ZNF518A: variants seen among roughly 807,000 people sequenced by gnomAD.
The protein encoded by ZNF518A is zinc finger protein 518.
A neutral mutation model predicts 102.7 loss-of-function variants in ZNF518A; 47 were observed. The observed-to-expected ratio is 0.46, with a 90% CI of 0.36 to 0.58. ZNF518A has a LOEUF of 0.58. Ranked by LOEUF, ZNF518A falls within the 20% of genes least tolerant of loss-of-function variation. The probability of loss-of-function intolerance (pLI) is 0.00; values close to 1 mark genes in which losing one functional copy is unlikely to be tolerated. For missense variants in ZNF518A, 1,793 were observed against 1,699.8 expected (o/e 1.05, Z -0.96); for synonymous variants, 652 against 594.6 (o/e 1.10, Z -1.40).
intron 1 of ZNF518A, chr10:96,201,134 G>T: frequency 7.6e-7 from 1 of 1,307,498 alleles, no homozygotes; most frequent in South Asian, 1.2e-5. Context: ...CCCTAACACT[G>T]TACTAGGTGC....
At position 96,160,443 on chromosome 10, in the gene ZNF518A, T is replaced by G; in HGVS notation, c.4121T>G (p.Val1374Gly). The G allele has an allele frequency of 6.2e-7, 1 of 1,613,494 alleles. No individual in the cohort carries two copies. Among genetic ancestry groups the G allele is most frequent in the East Asian group, 2.2e-5 (1 of 44,872 alleles). The part of the protein sequence containing the change: ...MKTIAKFNGH[V>G]LKVSLSKRTI... Reference sequence around the variant, plus strand: ...ACTATTGCTAAATTTAATGGACATGTACTTAAGGTTTCATTGTCAAAAAGA... The same window carrying G: ...ACTATTGCTAAATTTAATGGACATGGACTTAAGGTTTCATTGTCAAAAAGA... Residue 1374 changes from valine to glycine, a missense_variant, in exon 6 of 6, where the codon GTA (valine) becomes GGA (glycine). Physicochemically the swap from Val to Gly is moderately radical, Grantham distance 109. Around this residue, in one of 3 missense-constraint regions of ZNF518A, gnomAD observed 1,741 missense variants for 1,622.6 expected, o/e 1.07. Coordinates refer to ENST00000316045, the MANE Select transcript of ZNF518A (RefSeq NM_001330736.2).
intron 1 of ZNF518A, chr10:96,189,736 T>A (rs2083299839): frequency 8.2e-6 from 6 of 729,926 alleles, no homozygotes; most frequent in South Asian, 2.8e-5. Context: ...ATCATCATCT[T>A]CATCAGCAGC....
intron 1 of ZNF518A, among the ~76,000 whole-genome samples, chr10:96,192,488 T>C (rs782060925): frequency 1.3e-5 from 2 of 152,206 alleles, no homozygotes; most frequent in Non-Finnish European, 2.9e-5. Context: ...ATTGATGTAA[T>C]AAATTAACCT....
At chr10:96,131,319 C>T (rs898658119) in intron 1 of ZNF518A, among the ~76,000 whole-genome samples, 2 of 152,102 alleles carry the variant, frequency 1.3e-5, no homozygotes, top group Admixed American at 6.5e-5. Context: ...AGGTTGATAT[C>T]CTCAGGTTTA....
At chr10:96,182,999 A>G (rs2083249088) in intron 1 of ZNF518A, among the ~76,000 whole-genome samples, 1 of 152,002 alleles carries the variant, frequency 6.6e-6, no homozygotes, top group African/African-American at 2.4e-5. Flanking sequence ...TCAATTTCAG[A>G]GCCTGTTATT....
intron 3 of ZNF518A, among the ~76,000 whole-genome samples, chr10:96,143,682 G>T (rs915331318): frequency 5.9e-5 from 9 of 152,218 alleles, no homozygotes; most frequent in African/African-American, 1.7e-4. Flanking sequence ...GAATTCAAGA[G>T]TAGGAATATA....
rs2082849165 is a variant in ZNF518A, at chr10:96,158,915, G to A, written c.2593G>A (p.Val865Met). Residue 865 changes from valine to methionine, a missense_variant, in exon 6 of 6, where the codon GTG (valine) becomes ATG (methionine). Physicochemically the swap from Val to Met is conservative, Grantham distance 21. Around this residue, in one of 3 missense-constraint regions of ZNF518A, gnomAD observed 1,741 missense variants for 1,622.6 expected, o/e 1.07. Coordinates refer to ENST00000316045, the MANE Select transcript of ZNF518A (RefSeq NM_001330736.2). Reference protein sequence around the residue: ...LNLKFGKEKQVSSIPQDVRDS... With the variant: ...LNLKFGKEKQMSSIPQDVRDS... ...TTTGAAATTTGGAAAAGAAAAACAA[G>A]TGTCATCAATACCACAAGATGTGAG... 1.2e-6 allele frequency: 2 copies of A among 1,613,612 alleles called. No homozygotes were observed. Among genetic ancestry groups the A allele is most frequent in the Non-Finnish European group, 1.7e-6 (2 of 1,179,684 alleles).
At chr10:96,130,022 G>C (rs1406419343), upstream of ZNF518A, 4 of 152,764 alleles carry the variant, frequency 2.6e-5, no homozygotes, top group Non-Finnish European at 5.9e-5. Context: ...GCCGCAGCGT[G>C]CGCTCCCGGT....
At chr10:96,204,056 C>T in exon 3 of ZNF518A, 1 of 1,613,294 alleles carries the variant, frequency 6.2e-7, no homozygotes, top group Non-Finnish European at 8.5e-7. Context: ...GTTGTACTTA[C>T]TTGGCAGAGG....
chr10:96,174,461 G>T (rs1003596841), intron 1 of ZNF518A, among the ~76,000 whole-genome samples: 1 of 152,014 alleles, frequency 6.6e-6, no homozygotes. Context: ...ACTAAAAACA[G>T]AATGAAAGAG....
At chr10:96,137,439 C>T (rs1227405351) in intron 3 of ZNF518A, among the ~76,000 whole-genome samples, 3 of 152,202 alleles carry the variant, frequency 2.0e-5, no homozygotes, top group Non-Finnish European at 4.4e-5. Flanking sequence ...TTTTGCCTTA[C>T]ATCCAAGCTT....
intron 3 of ZNF518A, among the ~76,000 whole-genome samples, chr10:96,154,544 A>G (rs2082607718): frequency 6.6e-6 from 1 of 151,734 alleles, no homozygotes; most frequent in African/African-American, 2.4e-5. Context: ...ATTAGTGTCT[A>G]GTTCATTCTC....
At chr10:96,137,557 A>G (rs587621589) in intron 3 of ZNF518A, among the ~76,000 whole-genome samples, 7 of 152,326 alleles carry the variant, frequency 4.6e-5, no homozygotes, top group African/African-American at 1.7e-4. Context: ...GAGTTGTTCA[A>G]TCCCTTATCC....
intron 3 of ZNF518A, among the ~76,000 whole-genome samples, chr10:96,134,645 G>T (rs1294265176): frequency 3.9e-5 from 6 of 152,228 alleles, no homozygotes; most frequent in African/African-American, 1.4e-4. Context: ...GAAGTAAATA[G>T]GAGACTGCTG....
At chr10:96,143,890 A>G (rs1201701266) in intron 3 of ZNF518A, among the ~76,000 whole-genome samples, 1 of 152,252 alleles carries the variant, frequency 6.6e-6, no homozygotes, top group African/African-American at 2.4e-5. Flanking sequence ...ATCTGTGCTT[A>G]TACGCACATA....
In ZNF518A at chr10:96,158,736, C is replaced by T. The variant is rs1468997364; in HGVS notation, c.2414C>T (p.Pro805Leu). Residue 805 changes from proline (P) to leucine (L), a missense_variant, in exon 6 of 6, where the codon CCA (proline) becomes CTA (leucine). Physicochemically the swap from Pro to Leu is moderately conservative, Grantham distance 98. Transcript: ENST00000316045. ...GTAAAACAAGACTCTAGTAACACTC[C>T]AAATAAAGGCTTGCCACTTCATTGT... The part of the protein sequence containing the change: ...PDVKQDSSNT[P>L]NKGLPLHCDQ... The T allele has an allele frequency of 1.9e-6, 3 of 1,613,080 alleles. No homozygotes were observed. Among genetic ancestry groups the T allele is most frequent in the Non-Finnish European group, 2.5e-6 (3 of 1,179,500 alleles).
In ZNF518A at chr10:96,163,602, G is replaced by C. The variant is rs782327410; in HGVS notation, c.*2828G>C. ...TTTAATGGAAAATATTTTCATTGGG[G>C]GGTTAGCAAATTTTTTCAATAAAGG... On this transcript the variant is annotated 3_prime_UTR_variant, in exon 6 of 6. Coordinates refer to ENST00000316045, the MANE Select transcript of ZNF518A (RefSeq NM_001330736.2). 1 of 166,694 alleles carries C rather than the reference G, an allele frequency of 6.0e-6. No homozygotes were observed. Among genetic ancestry groups the C allele is most frequent in the Non-Finnish European group, 1.5e-5 (1 of 68,030 alleles). The allele number at this position is 166,694 out of a possible 1,614,324, so 10.3% of individuals were successfully genotyped here. A position where few individuals can be genotyped will look rare whatever the true frequency, so the allele number is the denominator to read the frequency against.
chr10:96,189,344 T>C, intron 1 of ZNF518A: 2 of 549,850 alleles, frequency 3.6e-6, no homozygotes, highest in Non-Finnish European at 6.9e-6. Context: ...TGTTAACAAA[T>C]TGTTTAAACT....
chr10:96,142,948 A>G (rs1554877124), intron 3 of ZNF518A, among the ~76,000 whole-genome samples: 1 of 152,014 alleles, frequency 6.6e-6, no homozygotes, highest in African/African-American at 2.4e-5. Flanking sequence ...CTGGGATTAC[A>G]GGCACCCGCA....
Sources: allele counts gnomAD v4.1 joint callset (sites outside exome capture counted in the v4.1 genomes callset), GRCh38; gene constraint gnomAD v4.1.1; regional missense constraint gnomAD v4.1.1; transcripts MANE v1.5; gene names NCBI Gene and HGNC (gene_info 2026-07-23, HGNC 2026-07-21).